MKLN1: variants seen among roughly 807,000 people sequenced by gnomAD.
MKLN1 encodes muskelin 1, also known as muskelin.
MKLN1 carries 18 observed loss-of-function variants against 99.0 expected under a neutral mutation model. The observed-to-expected ratio is 0.18, with a 90% CI of 0.13 to 0.27. The LOEUF (loss-of-function observed/expected upper bound fraction) is 0.27, where lower values mean the gene tolerates loss of function less well. Ranked by LOEUF, MKLN1 falls within the 10% of genes least tolerant of loss-of-function variation. The pLI, the probability that MKLN1 is intolerant of heterozygous loss-of-function variation, is 1.00. For missense variants in MKLN1, 621 were observed against 875.9 expected (o/e 0.71, Z 3.67); for synonymous variants, 288 against 293.2 (o/e 0.98, Z 0.18).
In MKLN1 at chr7:131,437,106, G is replaced by A. The variant is rs570080585; in HGVS notation, c.961-679G>A. Among the ~76,000 whole-genome samples the A allele has an allele frequency of 7.9e-4, 120 of 151,774 alleles. 1 individual carries two copies. The highest frequency in any genetic ancestry group is 1.3e-3 in the Non-Finnish European group (91 of 67,946). On this transcript the variant is annotated intron_variant, in intron 9 of 17. Coordinates refer to ENST00000352689, the MANE Select transcript of MKLN1 (RefSeq NM_013255.5). ...ATTTTTATTATACTCTTAAGTTCTA[G>A]GGTACCTGTGCACAATGTGAAGGTT...
chr7:131,444,276 C>T (rs1480820242), intron 11 of MKLN1, among the ~76,000 whole-genome samples: 1 of 151,706 alleles, frequency 6.6e-6, no homozygotes, highest in African/African-American at 2.4e-5. Context: ...CACCACCACG[C>T]CCGGCTAATT....
chr7:131,316,366 A>C (rs1935972272), intron 3 of MKLN1, among the ~76,000 whole-genome samples: 1 of 152,204 alleles, frequency 6.6e-6, no homozygotes, highest in African/African-American at 2.4e-5. Flanking sequence ...GAGGGGCCTG[A>C]CTGTTAGAAG....
At chr7:131,380,699 ATAAAT>A (rs1315299565) in intron 2 of MKLN1, among the ~76,000 whole-genome samples, 4 of 152,192 alleles carry the variant, frequency 2.6e-5, no homozygotes, top group African/African-American at 9.7e-5. Context: ...CTCATGCTGT[ATAAAT>A]TAGTTTTATT....
At chr7:131,290,075 G>A (rs370513382) in intron 3 of MKLN1, among the ~76,000 whole-genome samples, 1 of 152,314 alleles carries the variant, frequency 6.6e-6, no homozygotes, top group South Asian at 2.1e-4. Context: ...GGAGGCCAAG[G>A]CAGGTGGATT....
In MKLN1 at chr7:131,487,815, G is replaced by A. The variant is rs1797324427; in HGVS notation, c.*87G>A. On this transcript the variant is annotated 3_prime_UTR_variant, in exon 18 of 18. Coordinates refer to ENST00000352689, the MANE Select transcript of MKLN1 (RefSeq NM_013255.5). The surrounding 1 kb of genome is among the most constrained non-coding windows in gnomAD (Gnocchi z 4.7). Reference sequence around the variant, plus strand: ...AGCTCCACTGACTGACAGTAAAGCTGCAGTGATTGAGGACTGCACCAGAGT... The same window carrying A: ...AGCTCCACTGACTGACAGTAAAGCTACAGTGATTGAGGACTGCACCAGAGT... The A allele has an allele frequency of 1.3e-6, 2 of 1,489,752 alleles. No homozygotes were observed. Among genetic ancestry groups the A allele is most frequent in the Admixed American group, 1.9e-5 (1 of 53,050 alleles). The allele number at this position is 1,489,752 out of a possible 1,614,324, so 92.3% of individuals were successfully genotyped here.
intron 2 of MKLN1, among the ~76,000 whole-genome samples, chr7:131,145,048 A>G (rs114457176): frequency 0.017 from 2,605 of 152,280 alleles, 78 homozygotes; most frequent in African/African-American, 0.06. Context: ...TCGGATCTCC[A>G]GGGATCTAAT....
At chr7:131,406,351 A>G (rs1794707090) in intron 6 of MKLN1, among the ~76,000 whole-genome samples, 1 of 151,976 alleles carries the variant, frequency 6.6e-6, no homozygotes, top group Non-Finnish European at 1.5e-5. Context: ...AGAAATTGCA[A>G]GTATGCATGA....
chr7:131,493,706 A>C lies in MKLN1; in HGVS notation c.*5978A>C, dbSNP rs1017664812. On this transcript the variant is annotated 3_prime_UTR_variant, in exon 18 of 18. Transcript: ENST00000352689. ...GGAAAACCAGCCATAAAACATTTCA[A>C]CATGCAGTTTGGGGGCTCCCTTGCT... 1 of 152,226 alleles carries C rather than the reference A, an allele frequency of 6.6e-6. No individual in the cohort carries two copies. Among genetic ancestry groups the C allele is most frequent in the African/African-American group, 2.4e-5 (1 of 41,464 alleles). The allele number at this position is 152,226 out of a possible 1,614,324, so 9.4% of individuals were successfully genotyped here.
At chr7:131,256,881 C>A (rs1245607221) in intron 3 of MKLN1, among the ~76,000 whole-genome samples, 1 of 152,142 alleles carries the variant, frequency 6.6e-6, no homozygotes, top group African/African-American at 2.4e-5. Context: ...GCGATGGGAT[C>A]ATTTGAAGCT....
chr7:131,296,497 A>C (rs1485859614), intron 3 of MKLN1, among the ~76,000 whole-genome samples: 1 of 152,210 alleles, frequency 6.6e-6, no homozygotes, highest in Non-Finnish European at 1.5e-5. Flanking sequence ...TTTCCCTTCC[A>C]TTTTAAATCA....
chr7:131,164,449 A>G (rs897460084), intron 2 of MKLN1, among the ~76,000 whole-genome samples: 1 of 152,136 alleles, frequency 6.6e-6, no homozygotes, highest in Non-Finnish European at 1.5e-5. Context: ...CCCAGACTAC[A>G]ACTTTATAGC....
chr7:131,173,968 C>CTTTTTTTTTTTTTTTTT (rs796102760), intron 2 of MKLN1, among the ~76,000 whole-genome samples: 1 of 118,654 alleles, frequency 8.4e-6, no homozygotes, highest in Non-Finnish European at 1.9e-5. Context: ...AGACCTTTTT[C>CTTTTTTTTTTTTTTTTT]TTTTTCTTTT....
intron 2 of MKLN1, among the ~76,000 whole-genome samples, chr7:131,376,129 TATATATGTATG>T (rs1216284440): frequency 0.032 from 7 of 218 alleles, no homozygotes; most frequent in African/African-American, 0.1. Context: ...TATATATATA[TATATATGTATG>T]ATGTATGTAT....
At chr7:131,122,953 G>A (rs1430696441) in intron 1 of MKLN1, among the ~76,000 whole-genome samples, 1 of 148,480 alleles carries the variant, frequency 6.7e-6, no homozygotes, top group Non-Finnish European at 1.5e-5. Context: ...AACCCGGGAG[G>A]CGGAGCTTGC....
At chr7:131,408,653 G>C (rs1391465947) in intron 6 of MKLN1, among the ~76,000 whole-genome samples, 1 of 152,046 alleles carries the variant, frequency 6.6e-6, no homozygotes, top group East Asian at 1.9e-4. Flanking sequence ...TGTGCAGGCA[G>C]GATTTCTGTG....
chr7:131,461,346 A>G (rs915268542), intron 12 of MKLN1, among the ~76,000 whole-genome samples: 1 of 151,712 alleles, frequency 6.6e-6, no homozygotes, highest in African/African-American at 2.4e-5. Flanking sequence ...ACCAGACTTT[A>G]CATACACTAA....
At chr7:131,467,468 A>G (rs908614460) in intron 15 of MKLN1, among the ~76,000 whole-genome samples, 20 of 152,234 alleles carry the variant, frequency 1.3e-4, no homozygotes, top group Admixed American at 1.3e-4. Context: ...TAGACTGCAC[A>G]GTGAAGATGG....
intron 2 of MKLN1, among the ~76,000 whole-genome samples, chr7:131,165,341 A>G (rs1429473334): frequency 6.6e-6 from 1 of 152,112 alleles, no homozygotes; most frequent in Non-Finnish European, 1.5e-5. Flanking sequence ...ACGCGATACC[A>G]TGCCTGGCTA....
intron 11 of MKLN1, among the ~76,000 whole-genome samples, chr7:131,444,795 G>C (rs1456061388): frequency 6.7e-6 from 1 of 148,536 alleles, no homozygotes; most frequent in Non-Finnish European, 1.5e-5. Flanking sequence ...AGTAGTAGTA[G>C]TAGTAGTAGT....
Sources: allele counts gnomAD v4.1 joint callset (sites outside exome capture counted in the v4.1 genomes callset), GRCh38; gene constraint gnomAD v4.1.1; non-coding constraint Gnocchi (gnomAD v3.1); transcripts MANE v1.5; gene names NCBI Gene and HGNC (gene_info 2026-07-23, HGNC 2026-07-21).